The following VAT1L variants were observed in gnomAD, a reference collection of about 807,000 sequenced individuals.
VAT1L encodes vesicle amine transport 1 like, also known as putative NADPH-dependent quinone oxidoreductase VAT1L.
Under a neutral mutation model 44.1 loss-of-function variants are expected in VAT1L, and 34 were observed. That is an observed-to-expected ratio of 0.77 (90% CI 0.59 to 1.03). The LOEUF (loss-of-function observed/expected upper bound fraction) is 1.03, where lower values mean the gene tolerates loss of function less well. Ranked by LOEUF, VAT1L falls within the 50% of genes least tolerant of loss-of-function variation. VAT1L has a pLI of 0.00. For missense variants in VAT1L, 615 were observed against 538.8 expected (o/e 1.14, Z -1.40); for synonymous variants, 253 against 202.2 (o/e 1.25, Z -2.13).
At chr16:77,816,895 T>C in intron 1 of VAT1L, 26 bp from the exon 2 acceptor site, 2 of 1,569,518 alleles carry the variant, frequency 1.3e-6, no homozygotes, top group African/African-American at 1.4e-5. Context: ...TTTGAATTTC[T>C]CTCCTTTCAC....
At chr16:77,825,116 C>G (rs1187125950) in intron 2 of VAT1L, 130 bp from the exon 3 acceptor site, 2 of 925,648 alleles carry the variant, frequency 2.2e-6, no homozygotes, top group Middle Eastern at 3.3e-4. Flanking sequence ...ATTCACCCAC[C>G]TCAGCCTCCC....
chr16:77,918,125 A>G (rs1227574322), intron 7 of VAT1L, among the ~76,000 whole-genome samples: 1 of 152,168 alleles, frequency 6.6e-6, no homozygotes, highest in African/African-American at 2.4e-5. Context: ...TGCAAATTAA[A>G]GGCATTAAGG....
chr16:77,883,521 T>A (rs1214342303), intron 6 of VAT1L, among the ~76,000 whole-genome samples: 1 of 152,202 alleles, frequency 6.6e-6, no homozygotes, highest in Non-Finnish European at 1.5e-5. Flanking sequence ...TTGTTGTGGA[T>A]TATTCTTTGC....
chr16:77,874,265 G>T (rs994985368), intron 4 of VAT1L, among the ~76,000 whole-genome samples: 1 of 152,082 alleles, frequency 6.6e-6, no homozygotes, highest in Non-Finnish European at 1.5e-5. Flanking sequence ...GATGGCTCAG[G>T]AGGGTGGGCT....
intron 2 of VAT1L, among the ~76,000 whole-genome samples, chr16:77,818,054 C>T (rs1016566868): frequency 6.6e-6 from 1 of 152,166 alleles, no homozygotes; most frequent in Non-Finnish European, 1.5e-5. Flanking sequence ...GTTAGTACCA[C>T]TAGAACCCGG....
chr16:77,951,627 G>A (rs2018044073), intron 7 of VAT1L, among the ~76,000 whole-genome samples: 2 of 152,086 alleles, frequency 1.3e-5, no homozygotes, highest in African/African-American at 4.8e-5. Context: ...ATAATGCCTG[G>A]GATGCAGAGT....
At chr16:77,977,109 T>G (rs1186260225) in intron 8 of VAT1L, among the ~76,000 whole-genome samples, 2 of 152,166 alleles carry the variant, frequency 1.3e-5, no homozygotes, top group Non-Finnish European at 2.9e-5. Context: ...CTAACTCTTG[T>G]CACCAGAGCA....
intron 7 of VAT1L, among the ~76,000 whole-genome samples, chr16:77,903,734 CTTTTTTT>C (rs552342074): frequency 8.0e-6 from 1 of 124,364 alleles, no homozygotes; most frequent in African/African-American, 3.0e-5. Context: ...TCTCTCATTA[CTTTTTTT>C]TTTTTTTTTT....
chr16:77,848,601 T>G (rs1240611764), intron 3 of VAT1L, among the ~76,000 whole-genome samples: 1 of 152,160 alleles, frequency 6.6e-6, no homozygotes, highest in Non-Finnish European at 1.5e-5. Flanking sequence ...ACGGTTACCA[T>G]GCACAGGGGC....
chr16:77,886,091 A>C (rs1465808519), intron 7 of VAT1L, among the ~76,000 whole-genome samples: 1 of 152,238 alleles, frequency 6.6e-6, no homozygotes, highest in Non-Finnish European at 1.5e-5. Flanking sequence ...TAACATTGTT[A>C]ACATTTCGGT....
chr16:77,865,026 T>C (rs988374022), intron 4 of VAT1L, among the ~76,000 whole-genome samples: 3 of 139,298 alleles, frequency 2.2e-5, no homozygotes, highest in African/African-American at 5.5e-5. Flanking sequence ...CAGGCTGGAG[T>C]GCGGTGGTGC....
Position 77,788,680 on chromosome 16 carries a change from G to T in VAT1L, c.-3G>T. 6.5e-7 allele frequency: 1 copy of T among 1,549,002 alleles called. No homozygotes were observed. The highest frequency in any genetic ancestry group is 8.7e-7 in the Non-Finnish European group (1 of 1,146,374). On this transcript the variant is annotated 5_prime_UTR_variant, in exon 1 of 9. Transcript: ENST00000302536. ...GCCCGTGCGCCCCGCGCCCTCGAGC[G>T]CCATGGCCAAGGAAGGCGTGGAGAA...
chr16:77,919,977 G>A (rs559444562), intron 7 of VAT1L, among the ~76,000 whole-genome samples: 2 of 152,158 alleles, frequency 1.3e-5, no homozygotes, highest in African/African-American at 4.8e-5. Flanking sequence ...CCAGCCTCTT[G>A]AGAGTCTGAC....
intron 3 of VAT1L, among the ~76,000 whole-genome samples, chr16:77,849,284 G>A (rs2016786100): frequency 6.6e-6 from 1 of 152,234 alleles, no homozygotes; most frequent in Admixed American, 6.5e-5. Flanking sequence ...CAAAATTTAT[G>A]AGACAGAGAG....
intron 3 of VAT1L, 125 bp downstream of exon 3, chr16:77,825,586 T>A (rs1400024740): frequency 9.0e-7 from 1 of 1,117,036 alleles, no homozygotes; most frequent in Non-Finnish European, 1.3e-6. Flanking sequence ...TCTGGTAGAG[T>A]TCACATGGAC....
intron 7 of VAT1L, among the ~76,000 whole-genome samples, chr16:77,954,736 T>G (rs2018083175): frequency 6.6e-6 from 1 of 152,228 alleles, no homozygotes; most frequent in Non-Finnish European, 1.5e-5. Context: ...GCACGATGCC[T>G]TCTCACAGTA....
At position 77,978,096 on chromosome 16, in the gene VAT1L, A is replaced by C. The variant is rs928122984; in HGVS notation, c.*401A>C. 6.1e-6 allele frequency: 1 copy of C among 164,952 alleles called. No individual in the cohort carries two copies. The highest frequency in any genetic ancestry group is 1.3e-5 in the Non-Finnish European group (1 of 74,988). 10.2% of individuals were successfully genotyped at this position (164,952 alleles called of 1,614,324 possible). A position where few individuals can be genotyped will look rare whatever the true frequency, so the allele number is the denominator to read the frequency against. On this transcript the variant is annotated 3_prime_UTR_variant, in exon 9 of 9. Coordinates refer to ENST00000302536, the MANE Select transcript of VAT1L (RefSeq NM_020927.3). ...TCCAGCTCCTAGAATTCCTCAGGCC[A>C]GTGACACTTTTTTGCTGCTGGCCAC...
intron 1 of VAT1L, among the ~76,000 whole-genome samples, chr16:77,806,880 C>T (rs2016170307): frequency 6.6e-6 from 1 of 152,148 alleles, no homozygotes; most frequent in South Asian, 2.1e-4. Flanking sequence ...CCACTCTGTG[C>T]TGTCTTCTCC....
intron 3 of VAT1L, among the ~76,000 whole-genome samples, chr16:77,854,140 A>G (rs2016834188): frequency 1.3e-5 from 2 of 152,190 alleles, no homozygotes; most frequent in Middle Eastern, 3.4e-3. Context: ...ACGAAAAAAA[A>G]AAAATTGCCC....
Sources: gnomAD v4.1 joint callset for allele counts (sites outside exome capture counted in the v4.1 genomes callset) on GRCh38, gnomAD v4.1.1 for gene constraint, MANE v1.5 for transcripts, NCBI Gene and HGNC (gene_info 2026-07-23, HGNC 2026-07-21) for gene names.